Variants in CEP128 observed in about 807,000 individuals in gnomAD.
CEP128 encodes centrosomal protein 128, also known as centrosomal protein 128kDa.
A neutral mutation model predicts 156.7 loss-of-function variants in CEP128; 132 were observed. That is an observed-to-expected ratio of 0.84 (90% CI 0.73 to 0.97). The LOEUF is 0.97. Among genes scored for constraint, CEP128 ranks in the 50% least tolerant of loss-of-function variants. The pLI is 0.00. For synonymous variants in CEP128, 469 were observed against 448.9 expected (o/e 1.04, Z -0.57); for missense variants, 1,252 against 1,281.9 (o/e 0.98, Z 0.36).
chr14:80,772,785 T>C lies in CEP128; in HGVS notation c.2376+5097A>G, dbSNP rs993979481. On this transcript the variant is annotated intron_variant, in intron 16 of 24. Transcript: ENST00000555265. ...GCCCAACAGACAAGCCACAACCCTGTTGCACATCCTGCAAGGGGGGTCAGG... is the reference window on the plus strand; with the variant it reads ...GCCCAACAGACAAGCCACAACCCTGCTGCACATCCTGCAAGGGGGGTCAGG... Among the ~76,000 whole-genome samples the C allele has an allele frequency of 4.6e-5, 7 of 152,284 alleles. No homozygotes were observed. In the East Asian group the frequency reaches 5.8e-4, roughly 13 times the overall value.
chr14:80,576,319 T>C (rs11622480), intron 20 of CEP128, among the ~76,000 whole-genome samples: 12 of 152,156 alleles, frequency 7.9e-5, no homozygotes, highest in Non-Finnish European at 1.8e-4. Context: ...CAAACTCATA[T>C]GCAAATAAAA....
intron 19 of CEP128, among the ~76,000 whole-genome samples, chr14:80,593,020 A>C (rs565566904): frequency 3.3e-5 from 5 of 152,212 alleles, no homozygotes; most frequent in Non-Finnish European, 7.3e-5. Flanking sequence ...AGAACTATTT[A>C]TGACAAACCC....
chr14:80,619,357 A>AAGACACAC (rs1356567959), intron 19 of CEP128, among the ~76,000 whole-genome samples: 4 of 98,542 alleles, frequency 4.1e-5, no homozygotes, highest in African/African-American at 1.7e-4. Flanking sequence ...AAATGATTTA[A>AAGACACAC]AGACACACAG....
chr14:80,811,774 C>G (rs1274864804), intron 13 of CEP128, among the ~76,000 whole-genome samples: 2 of 144,062 alleles, frequency 1.4e-5, no homozygotes, highest in African/African-American at 5.4e-5. Flanking sequence ...TGGTTATTAT[C>G]TCTCTTCTGC....
intron 19 of CEP128, among the ~76,000 whole-genome samples, chr14:80,583,233 A>G (rs1188919721): frequency 6.6e-6 from 1 of 152,222 alleles, no homozygotes; most frequent in African/African-American, 2.4e-5. Context: ...AATAAAAACA[A>G]CCGAAGAATT....
At chr14:80,889,308 C>T (rs966735514) in intron 8 of CEP128, among the ~76,000 whole-genome samples, 6 of 152,146 alleles carry the variant, frequency 3.9e-5, no homozygotes, top group Non-Finnish European at 2.9e-5. Flanking sequence ...CAAAAAAGAG[C>T]CTGCATAGCC....
chr14:80,745,274 T>C (rs891226536), intron 18 of CEP128, among the ~76,000 whole-genome samples: 5 of 152,092 alleles, frequency 3.3e-5, no homozygotes, highest in African/African-American at 7.2e-5. Flanking sequence ...TCCACCATGA[T>C]TGTAAGTTTC....
chr14:80,542,208 T>C (rs1889795267), intron 21 of CEP128, among the ~76,000 whole-genome samples: 1 of 152,234 alleles, frequency 6.6e-6, no homozygotes, highest in South Asian at 2.1e-4. Context: ...TACTTGTCTC[T>C]TTCATTACAC....
chr14:80,699,385 G>A (rs937520833), intron 19 of CEP128, among the ~76,000 whole-genome samples: 6 of 152,160 alleles, frequency 3.9e-5, no homozygotes, highest in Non-Finnish European at 8.8e-5. Flanking sequence ...GGTGTGTAAA[G>A]CCTTACCTTT....
chr14:80,649,130 A>T (rs1344121292), intron 19 of CEP128, among the ~76,000 whole-genome samples: 1 of 152,170 alleles, frequency 6.6e-6, no homozygotes, highest in Non-Finnish European at 1.5e-5. Context: ...AGCAGGCAAG[A>T]TGCTGCAGTT....
intron 8 of CEP128, among the ~76,000 whole-genome samples, chr14:80,874,749 C>G (rs1157384111): frequency 6.6e-6 from 1 of 152,038 alleles, no homozygotes; most frequent in Non-Finnish European, 1.5e-5. Flanking sequence ...TCCTGAGTAG[C>G]TGGGACTACA....
At chr14:80,840,810 A>G (rs377097065) in intron 9 of CEP128, 42 bp from the exon 10 acceptor site, 304 of 1,213,590 alleles carry the variant, frequency 2.5e-4, no homozygotes, top group Non-Finnish European at 3.6e-4. Flanking sequence ...CAAAATATGT[A>G]CAAAACTGAA....
intron 19 of CEP128, among the ~76,000 whole-genome samples, chr14:80,671,020 T>C (rs1245015193): frequency 1.3e-5 from 2 of 152,188 alleles, no homozygotes; most frequent in Non-Finnish European, 2.9e-5. Context: ...TTCTTTTAAC[T>C]TCTGCTAAAC....
chr14:80,557,714 A>C (rs1436506693), intron 21 of CEP128, among the ~76,000 whole-genome samples: 1 of 152,172 alleles, frequency 6.6e-6, no homozygotes, highest in East Asian at 1.9e-4. Flanking sequence ...CGTCAATCAA[A>C]ATCACTTGCT....
intron 19 of CEP128, among the ~76,000 whole-genome samples, chr14:80,633,735 G>GCATA (rs1894062639): frequency 6.6e-6 from 1 of 152,076 alleles, no homozygotes; most frequent in African/African-American, 2.4e-5. Context: ...TATCTTCTTT[G>GCATA]CATAGCTCAT....
intron 19 of CEP128, among the ~76,000 whole-genome samples, chr14:80,690,244 TAAAAAAA>T (rs552661665): frequency 6.0e-5 from 7 of 116,426 alleles, no homozygotes; most frequent in South Asian, 2.8e-4. Flanking sequence ...CTGTCTCTAT[TAAAAAAA>T]AAAAAAAAAA....
At chr14:80,894,482 A>G in intron 8 of CEP128, 1 of 388,666 alleles carries the variant, frequency 2.6e-6, no homozygotes, top group Non-Finnish European at 4.9e-6. Context: ...TGTTTTAGAT[A>G]TTTTAGACTG....
At chr14:80,520,424 AC>A (rs1888685709) in intron 23 of CEP128, among the ~76,000 whole-genome samples, 1 of 67,822 alleles carries the variant, frequency 1.5e-5, no homozygotes, top group Admixed American at 2.3e-4. Context: ...ATCTAAAAAA[AC>A]AAACAAACAA....
rs574830922 is a variant in CEP128, at chr14:80,511,856, T to C, written c.3073-6836A>G. On this transcript the variant is annotated intron_variant, in intron 23 of 24. Transcript: ENST00000555265. ...AGTTTCTTTATTGATCCACTGGTCA[T>C]TCAAGAGCATACTGTTTAATTTCCA... Among the ~76,000 whole-genome samples the C allele has an allele frequency of 2.0e-5, 3 of 152,244 alleles. No individual in the cohort carries two copies. The South Asian group carries it at 6.2e-4, about 32-fold the overall frequency.
Sources: allele counts gnomAD v4.1 joint callset (sites outside exome capture counted in the v4.1 genomes callset), GRCh38; gene constraint gnomAD v4.1.1; transcripts MANE v1.5; gene names NCBI Gene and HGNC (gene_info 2026-07-23, HGNC 2026-07-21).